The following SERPINF1 variants were observed in gnomAD, a reference collection of about 807,000 sequenced individuals.
SERPINF1 encodes the protein serpin family F member 1.
SERPINF1 carries 29 observed loss-of-function variants against 37.3 expected under a neutral mutation model. That is an observed-to-expected ratio of 0.78 (90% CI 0.58 to 1.06). SERPINF1 has a LOEUF of 1.06. Ranked by LOEUF, SERPINF1 falls within the 50% of genes least tolerant of loss-of-function variation. The probability of loss-of-function intolerance (pLI) is 0.00; values close to 1 mark genes in which losing one functional copy is unlikely to be tolerated. For missense variants in SERPINF1, 553 were observed against 532.2 expected, an observed-to-expected ratio of 1.04 and a Z score of -0.38; for synonymous variants, 281 against 227.9, an observed-to-expected ratio of 1.23 and a Z score of -2.10.
intron 5 of SERPINF1, among the ~76,000 whole-genome samples, chr17:1,773,720 CAA>C (rs1378615078): frequency 6.6e-6 from 1 of 152,134 alleles, no homozygotes; most frequent in East Asian, 1.9e-4. Context: ...GTTCTGTACC[CAA>C]GACATGGCAG....
intron 5 of SERPINF1, among the ~76,000 whole-genome samples, chr17:1,772,683 C>T (rs1012708545): frequency 2.0e-5 from 3 of 152,090 alleles, no homozygotes; most frequent in Non-Finnish European, 2.9e-5. Context: ...CTCGACCTCC[C>T]GAGTAGCTGG....
chr17:1,770,220 C>T (rs1240401353), intron 3 of SERPINF1, among the ~76,000 whole-genome samples, 170 bp downstream of exon 3: 1 of 152,212 alleles, frequency 6.6e-6, no homozygotes, highest in Non-Finnish European at 1.5e-5. Context: ...GGGCTGCACA[C>T]ACACGATTCC....
chr17:1,768,213 C>T (rs895405512), intron 2 of SERPINF1, among the ~76,000 whole-genome samples: 50 of 151,888 alleles, frequency 3.3e-4, no homozygotes, highest in South Asian at 6.2e-4. Flanking sequence ...GGGTGGATCA[C>T]GAGGTCAGGA....
chr17:1,764,843 T>C (rs1240899073), intron 1 of SERPINF1, among the ~76,000 whole-genome samples: 18 of 116,120 alleles, frequency 1.6e-4, no homozygotes, highest in South Asian at 6.1e-4. Flanking sequence ...CATTTTTTTT[T>C]CCTTTTTTTT....
At chr17:1,765,908 G>T (rs1464327919) in intron 1 of SERPINF1, among the ~76,000 whole-genome samples, 1 of 151,480 alleles carries the variant, frequency 6.6e-6, no homozygotes, top group Non-Finnish European at 1.5e-5. Flanking sequence ...GTGAACCCAG[G>T]ATCTCTGACC....
chr17:1,768,967 C>T (rs949390094), intron 2 of SERPINF1, among the ~76,000 whole-genome samples: 25 of 151,350 alleles, frequency 1.7e-4, no homozygotes, highest in Non-Finnish European at 3.1e-4. Flanking sequence ...CACCATGCCC[C>T]GTTAATTTTT....
chr17:1,767,902 C>T (rs569959409), intron 2 of SERPINF1, among the ~76,000 whole-genome samples: 63 of 152,236 alleles, frequency 4.1e-4, no homozygotes, highest in African/African-American at 1.3e-3. Flanking sequence ...TGGCAATGGG[C>T]GGAAATAAAA....
chr17:1,763,710 G>A (rs1360908366), intron 1 of SERPINF1, among the ~76,000 whole-genome samples: 1 of 152,212 alleles, frequency 6.6e-6, no homozygotes, highest in East Asian at 1.9e-4. Flanking sequence ...CCTGTGTCTA[G>A]CTCGGGGCCA....
At chr17:1,770,138 T>G in intron 3 of SERPINF1, 88 bp downstream of exon 3, 1 of 1,453,516 alleles carries the variant, frequency 6.9e-7, no homozygotes, top group Non-Finnish European at 9.5e-7. Context: ...TATTGACATT[T>G]CAGTTCAGCG....
chr17:1,766,852 G>T, intron 1 of SERPINF1, 51 bp from the exon 2 acceptor site: 1 of 1,509,304 alleles, frequency 6.6e-7, no homozygotes, highest in Non-Finnish European at 9.0e-7. Flanking sequence ...GGGTAGCGGG[G>T]CAGTGCAGTG....
chr17:1,775,257 A>C lies in SERPINF1; in HGVS notation c.786+57A>C. The C allele has an allele frequency of 9.6e-6, 15 of 1,564,348 alleles. No homozygotes were observed. In the South Asian group the frequency reaches 1.6e-4, roughly 17 times the overall value. On this transcript the variant is annotated intron_variant, in intron 6 of 7. Coordinates refer to ENST00000254722, the MANE Select transcript of SERPINF1 (RefSeq NM_002615.7). ...GATGGAGGGAGAGGATAGAGAAGCAAAACAGGGTAGTGGGAATAAAATGAC... is the reference window on the plus strand; with the variant it reads ...GATGGAGGGAGAGGATAGAGAAGCACAACAGGGTAGTGGGAATAAAATGAC...
At chr17:1,774,444 C>T (rs146763870) in intron 5 of SERPINF1, among the ~76,000 whole-genome samples, 1,929 of 152,270 alleles carry the variant, frequency 0.013, 18 homozygotes, top group South Asian at 0.055. Flanking sequence ...ATGATCCATC[C>T]GCCTTGGCCT....
chr17:1,767,701 C>T lies in SERPINF1; in HGVS notation c.84+707C>T, dbSNP rs147689819. Among the ~76,000 whole-genome samples the T allele has an allele frequency of 5.4e-4, 83 of 152,314 alleles. No individual in the cohort carries two copies. The East Asian group carries it at 7.1e-3, about 13-fold the overall frequency. ...GGACAAGAGCAGCTGGGCATCTTGG[C>T]GAGAGCCCTGGACTTTCGTGAGGTC... On this transcript the variant is annotated intron_variant, in intron 2 of 7. Coordinates refer to ENST00000254722, the MANE Select transcript of SERPINF1 (RefSeq NM_002615.7).
At position 1,777,485 on chromosome 17, in the gene SERPINF1, C is replaced by G. The variant is rs577188765; in HGVS notation, c.*39C>G. On this transcript the variant is annotated 3_prime_UTR_variant, in exon 8 of 8. Transcript: ENST00000254722. ...TATTCCAATACCCTAGAAGAAAACC[C>G]GAGGGACAGCAGATTCCACAGGACA... 1.9e-6 allele frequency: 3 copies of G among 1,613,178 alleles called. No homozygotes were observed. In the Admixed American group the frequency reaches 5.0e-5, roughly 27 times the overall value.
At chr17:1,773,517 G>A (rs931105316) in intron 5 of SERPINF1, among the ~76,000 whole-genome samples, 3 of 152,196 alleles carry the variant, frequency 2.0e-5, no homozygotes, top group Non-Finnish European at 4.4e-5. Context: ...CACAGTGCTG[G>A]GATTACAGGC....
intron 1 of SERPINF1, among the ~76,000 whole-genome samples, chr17:1,764,162 A>T (rs1428008539): frequency 1.3e-5 from 2 of 152,254 alleles, no homozygotes; most frequent in African/African-American, 4.8e-5. Context: ...AGCCTGGGCG[A>T]CAAGAGTGAA....
chr17:1,774,611 C>T (rs545045939), intron 5 of SERPINF1, among the ~76,000 whole-genome samples: 17 of 152,124 alleles, frequency 1.1e-4, no homozygotes, highest in Non-Finnish European at 8.8e-5. Context: ...GGACTACAGG[C>T]GTGAGTCACC....
chr17:1,774,832 C>T (rs534425248), intron 5 of SERPINF1, among the ~76,000 whole-genome samples: 1 of 152,276 alleles, frequency 6.6e-6, no homozygotes, highest in East Asian at 1.9e-4. Flanking sequence ...AAATCAACGT[C>T]TTGCCATCGG....
At chr17:1,774,908 G>A in intron 5 of SERPINF1, 150 bp from the exon 6 acceptor site, 1 of 886,476 alleles carries the variant, frequency 1.1e-6, no homozygotes, top group African/African-American at 1.6e-5. Flanking sequence ...CACACACTGA[G>A]ATAGGCCTAT....
Sources: allele counts gnomAD v4.1 joint callset (sites outside exome capture counted in the v4.1 genomes callset), GRCh38; gene constraint gnomAD v4.1.1; transcripts MANE v1.5; gene names NCBI Gene and HGNC (gene_info 2026-07-23, HGNC 2026-07-21).